CCNK: variants seen among roughly 807,000 people sequenced by gnomAD.
CCNK encodes cyclin-K.
CCNK carries 9 observed loss-of-function variants against 65.0 expected under a neutral mutation model. The observed-to-expected ratio is 0.14, with a 90% CI of 0.08 to 0.24. The LOEUF (loss-of-function observed/expected upper bound fraction) is 0.24. Ranked by LOEUF, CCNK falls within the 10% of genes least tolerant of loss-of-function variation. CCNK has a pLI of 1.00. For missense variants in CCNK, 474 were observed against 720.0 expected (o/e 0.66, Z 3.91); for synonymous variants, 279 against 270.8 (o/e 1.03, Z -0.30).
At chr14:99,494,507 A>C (rs967144858) in intron 3 of CCNK, 1 of 152,198 alleles carries the variant, frequency 6.6e-6, no homozygotes, top group Non-Finnish European at 1.5e-5. Context: ...CTGGTTGTGA[A>C]GTTCTTGAAG....
chr14:99,492,532 G>A, intron 1 of CCNK, 94 bp from the exon 2 acceptor site: 1 of 684,144 alleles, frequency 1.5e-6, no homozygotes, highest in Non-Finnish European at 2.4e-6. Flanking sequence ...GTTTCTATAG[G>A]AAATAGTGAT....
intron 4 of CCNK, 87 bp from the exon 5 acceptor site, chr14:99,500,679 A>G: frequency 1.2e-6 from 1 of 864,966 alleles, no homozygotes; most frequent in African/African-American, 1.7e-5. Flanking sequence ...TGAAGAGAGA[A>G]TAAATAGACA....
At chr14:99,485,982 T>C (rs1197557985) in intron 1 of CCNK, among the ~76,000 whole-genome samples, 1 of 152,266 alleles carries the variant, frequency 6.6e-6, no homozygotes, top group Non-Finnish European at 1.5e-5. Flanking sequence ...TATGTGTATA[T>C]ATGTATTTTC....
intron 4 of CCNK, among the ~76,000 whole-genome samples, chr14:99,497,418 A>G (rs1896725818): frequency 6.6e-6 from 1 of 152,204 alleles, no homozygotes; most frequent in Non-Finnish European, 1.5e-5. Context: ...GATGATTTTT[A>G]TCAAATTATC....
chr14:99,511,968 C>T lies in CCNK; in HGVS notation c.*1186C>T, dbSNP rs377760540. 6.6e-6 allele frequency: 1 copy of T among 152,266 alleles called. No individual in the cohort carries two copies. The highest frequency in any genetic ancestry group is 2.4e-5 in the African/African-American group (1 of 41,440). The allele number at this position is 152,266 out of a possible 1,614,324, so 9.4% of individuals were successfully genotyped here. A position where few individuals can be genotyped will look rare whatever the true frequency, so the allele number is the denominator to read the frequency against. On this transcript the variant is annotated 3_prime_UTR_variant, in exon 11 of 11. Transcript: ENST00000389879. ...CCCCCATCTGCGGTGCTTGAGGGGC[C>T]TTGGCCCTGTCTCTGCCTGCTGACC...
rs763203304 is a variant in CCNK, at chr14:99,503,098, C to T, written c.1011+114C>T. 8.2e-5 allele frequency: 96 copies of T among 1,172,024 alleles called. 4 individuals carry two copies. The highest frequency in any genetic ancestry group is 2.8e-4 in the South Asian group (23 of 81,882). 72.6% of individuals were successfully genotyped at this position (1,172,024 alleles called of 1,614,324 possible). A position where few individuals can be genotyped will look rare whatever the true frequency, so the allele number is the denominator to read the frequency against. On this transcript the variant is annotated intron_variant, in intron 8 of 10. Coordinates refer to ENST00000389879, the MANE Select transcript of CCNK (RefSeq NM_001099402.2). ...GGGAACACCGGAAGCAGGGGGTGTT[C>T]GCCGAAACTCGCAGTCCGACTGCTT...
Position 99,507,067 on chromosome 14 carries a change from T to A in CCNK, c.1046-9T>A, listed in dbSNP as rs1422589443. The A allele has an allele frequency of 2.5e-6, 4 of 1,586,532 alleles. No homozygotes were observed. The highest frequency in any genetic ancestry group is 2.6e-6 in the Non-Finnish European group (3 of 1,154,844). Reference sequence around the variant, plus strand: ...ATGAGTGGTTTTCTAATCTGCTTTTTCTTTGTAGAACCACCACCACCTAAA... The same window carrying A: ...ATGAGTGGTTTTCTAATCTGCTTTTACTTTGTAGAACCACCACCACCTAAA... On this transcript the variant is annotated splice_polypyrimidine_tract_variant and intron_variant, in intron 9 of 10. Coordinates refer to ENST00000389879, the MANE Select transcript of CCNK (RefSeq NM_001099402.2).
At chr14:99,500,958 C>T (rs1301147150) in intron 5 of CCNK, 87 bp downstream of exon 5, 3 of 855,080 alleles carry the variant, frequency 3.5e-6, no homozygotes, top group African/African-American at 1.7e-5. Flanking sequence ...TTCTCAAAAG[C>T]GGAAAACAAA....
chr14:99,503,873 A>G (rs1302885960), intron 9 of CCNK: 3 of 549,354 alleles, frequency 5.5e-6, no homozygotes, highest in African/African-American at 3.8e-5. Context: ...GGCAATAAAA[A>G]TGTACTCAGT....
chr14:99,504,052 G>A (rs141637525), intron 9 of CCNK: 41 of 377,250 alleles, frequency 1.1e-4, no homozygotes, highest in Middle Eastern at 5.3e-4. Context: ...GCACCAGCCC[G>A]GCCCAGCCCA....
chr14:99,502,465 C>T lies in CCNK; in HGVS notation c.745+89C>T, dbSNP rs561921226. The T allele has an allele frequency of 2.7e-6, 4 of 1,504,926 alleles. No individual in the cohort carries two copies. The South Asian group carries it at 4.1e-5, about 15-fold the overall frequency. The allele number at this position is 1,504,926 out of a possible 1,614,324, so 93.2% of individuals were successfully genotyped here. A position where few individuals can be genotyped will look rare whatever the true frequency, so the allele number is the denominator to read the frequency against. ...CCCTGAGTCCCAAGAATGGATTTTC[C>T]CAGATAGACATATGTGAGCAATATT... On this transcript the variant is annotated intron_variant, in intron 7 of 10. Transcript: ENST00000389879.
intron 9 of CCNK, 73 bp downstream of exon 9, chr14:99,503,717 GT>G (rs1211339490): frequency 6.7e-6 from 9 of 1,333,962 alleles, no homozygotes; most frequent in Non-Finnish European, 9.3e-6. Flanking sequence ...AGCCAACATT[GT>G]TTCTTTTCAG....
chr14:99,488,024 A>G lies in CCNK; in HGVS notation c.-52-4602A>G, dbSNP rs1896527488. ...TGACAACTTATTTACCTGTGGACAC[A>G]TGTTCGTTTTTTGCCATGTTTACTG... On this transcript the variant is annotated intron_variant, in intron 1 of 10. Coordinates refer to ENST00000389879, the MANE Select transcript of CCNK (RefSeq NM_001099402.2). Among the ~76,000 whole-genome samples, 5 of 152,266 alleles carry G rather than the reference A, an allele frequency of 3.3e-5. No individual in the cohort carries two copies. The South Asian group carries it at 1.0e-3, about 32-fold the overall frequency.
intron 1 of CCNK, among the ~76,000 whole-genome samples, chr14:99,482,960 A>G (rs1479654911): frequency 6.6e-6 from 1 of 152,226 alleles, no homozygotes; most frequent in Non-Finnish European, 1.5e-5. Flanking sequence ...AAGGTAATTG[A>G]GGAGATTACA....
intron 4 of CCNK, among the ~76,000 whole-genome samples, chr14:99,497,886 A>T (rs1453722818): frequency 1.3e-5 from 2 of 152,240 alleles, no homozygotes; most frequent in Non-Finnish European, 2.9e-5. Flanking sequence ...TTAGGAACTC[A>T]TATTAACTAT....
At position 99,501,223 on chromosome 14, in the gene CCNK, T is replaced by A. The variant is rs904479621; in HGVS notation, c.518-133T>A. The A allele has an allele frequency of 1.0e-5, 7 of 669,868 alleles. No individual in the cohort carries two copies. The African/African-American group carries it at 1.2e-4, about 12-fold the overall frequency. The allele number at this position is 669,868 out of a possible 1,614,324, so 41.5% of individuals were successfully genotyped here. ...GGATGTGGACCCACATCATTCATCC[T>A]TGTTTCCCACGCAAAAGCTCTTTGC... On this transcript the variant is annotated intron_variant, in intron 5 of 10. Transcript: ENST00000389879.
chr14:99,510,814 A>C lies in CCNK; in HGVS notation c.*32A>C. On this transcript the variant is annotated 3_prime_UTR_variant, in exon 11 of 11. Transcript: ENST00000389879. ...CCTTTTTTCCCTCTTTGTTTTTTTA[A>C]CAAGATTTTCTAATCGACTTGCAGA... 1 of 1,399,126 alleles carries C rather than the reference A, an allele frequency of 7.1e-7. No homozygotes were observed. The allele number at this position is 1,399,126 out of a possible 1,614,324, so 86.7% of individuals were successfully genotyped here.
intron 8 of CCNK, 160 bp downstream of exon 8, chr14:99,503,144 CAA>C (rs1234050339): frequency 1.4e-5 from 12 of 841,058 alleles, no homozygotes; most frequent in African/African-American, 3.3e-5. Context: ...AGCCTGAAAA[CAA>C]AGGTGCTCCA....
At chr14:99,491,517 C>G (rs2139856127) in intron 1 of CCNK, among the ~76,000 whole-genome samples, 1 of 152,346 alleles carries the variant, frequency 6.6e-6, no homozygotes, top group African/African-American at 2.4e-5. Flanking sequence ...CTCCCCCGCC[C>G]TTTGAACAGT....
Sources: allele counts gnomAD v4.1 joint callset (sites outside exome capture counted in the v4.1 genomes callset), GRCh38; gene constraint gnomAD v4.1.1; transcripts MANE v1.5; gene names NCBI Gene and HGNC (gene_info 2026-07-23, HGNC 2026-07-21).